The following NDUFS4 variants were observed in gnomAD, a reference collection of about 807,000 sequenced individuals.
NDUFS4 encodes the protein NADH dehydrogenase [ubiquinone] iron-sulfur protein 4, mitochondrial.
A neutral mutation model predicts 24.3 loss-of-function variants in NDUFS4; 28 were observed. The ratio of observed to expected loss-of-function variants is 1.15; its 90% CI spans 0.85 to 1.58. The LOEUF is 1.58. Ranked by LOEUF, NDUFS4 falls within the 40% of genes most tolerant of loss-of-function variation. The pLI is 0.00. For synonymous variants in NDUFS4, 93 were observed against 69.7 expected (o/e 1.34, Z -1.67); for missense variants, 223 against 207.9 (o/e 1.07, Z -0.45).
intron 1 of NDUFS4, among the ~76,000 whole-genome samples, chr5:53,572,036 T>C (rs1749225944): frequency 6.6e-6 from 1 of 152,204 alleles, no homozygotes; most frequent in South Asian, 2.1e-4. Context: ...TTAATATAAA[T>C]TTGTGTAACA....
At chr5:53,642,913 C>G (rs1054796215) in intron 2 of NDUFS4, among the ~76,000 whole-genome samples, 3 of 152,004 alleles carry the variant, frequency 2.0e-5, no homozygotes, top group Admixed American at 6.6e-5. Flanking sequence ...GACTTGAATG[C>G]CCTTAATCTG....
chr5:53,593,301 C>A (rs541704314), intron 1 of NDUFS4, among the ~76,000 whole-genome samples: 1 of 151,794 alleles, frequency 6.6e-6, no homozygotes, highest in Non-Finnish European at 1.5e-5. Context: ...TTTAAGTTAT[C>A]AAATTTGTGA....
intron 1 of NDUFS4, among the ~76,000 whole-genome samples, chr5:53,588,648 T>C (rs916479740): frequency 6.6e-6 from 1 of 152,196 alleles, no homozygotes; most frequent in Non-Finnish European, 1.5e-5. Flanking sequence ...TTCTTAATGA[T>C]GTGATCATCA....
chr5:53,572,793 T>C (rs1323862426), intron 1 of NDUFS4, among the ~76,000 whole-genome samples: 3 of 151,640 alleles, frequency 2.0e-5, no homozygotes, highest in Non-Finnish European at 4.4e-5. Flanking sequence ...TACAGGCATG[T>C]GCCACCATGC....
chr5:53,675,379 T>A (rs256100), intron 4 of NDUFS4, among the ~76,000 whole-genome samples: 2 of 151,748 alleles, frequency 1.3e-5, no homozygotes, highest in Admixed American at 6.6e-5. Context: ...AGCCAGGATG[T>A]TCTCGATTTC....
At chr5:53,572,924 G>A (rs1364757534) in intron 1 of NDUFS4, among the ~76,000 whole-genome samples, 2 of 150,114 alleles carry the variant, frequency 1.3e-5, no homozygotes, top group Admixed American at 6.6e-5. Context: ...GATTAGAGGC[G>A]TGAGCTACCG....
chr5:53,569,292 T>G (rs1749138950), intron 1 of NDUFS4, among the ~76,000 whole-genome samples: 1 of 152,186 alleles, frequency 6.6e-6, no homozygotes, highest in African/African-American at 2.4e-5. Context: ...ATTTGGGGAA[T>G]AAAATACATT....
At chr5:53,566,493 T>G (rs1286116868) in intron 1 of NDUFS4, among the ~76,000 whole-genome samples, 1 of 152,186 alleles carries the variant, frequency 6.6e-6, no homozygotes, top group Non-Finnish European at 1.5e-5. Flanking sequence ...AACTCAGGTG[T>G]TGTTATCCTC....
At chr5:53,672,395 C>T (rs917197685) in intron 4 of NDUFS4, among the ~76,000 whole-genome samples, 2 of 152,008 alleles carry the variant, frequency 1.3e-5, no homozygotes, top group Non-Finnish European at 2.9e-5. Flanking sequence ...AATAAAAAAA[C>T]GTAGTGAATT....
intron 4 of NDUFS4, among the ~76,000 whole-genome samples, chr5:53,660,685 C>T (rs952204268): frequency 1.3e-5 from 2 of 152,018 alleles, no homozygotes; most frequent in Non-Finnish European, 2.9e-5. Flanking sequence ...TTTTAATGAT[C>T]GCCGTTCTAA....
At chr5:53,595,878 CCTTA>C (rs1436260990) in intron 1 of NDUFS4, among the ~76,000 whole-genome samples, 4 of 152,098 alleles carry the variant, frequency 2.6e-5, no homozygotes, top group South Asian at 2.1e-4. Context: ...GAAAAATAAT[CCTTA>C]CTTTTTCCTC....
intron 4 of NDUFS4, among the ~76,000 whole-genome samples, chr5:53,682,766 G>A (rs1004742984): frequency 6.6e-6 from 1 of 152,086 alleles, no homozygotes; most frequent in African/African-American, 2.4e-5. Flanking sequence ...AATGTTCATC[G>A]CTCTTCATTG....
At chr5:53,623,334 A>G (rs1751111249) in intron 2 of NDUFS4, among the ~76,000 whole-genome samples, 1 of 152,140 alleles carries the variant, frequency 6.6e-6, no homozygotes, top group African/African-American at 2.4e-5. Flanking sequence ...GTAGTATCTC[A>G]GTGTGGTTTT....
In NDUFS4 at chr5:53,629,095, T is replaced by G. The variant is rs184775332; in HGVS notation, c.178-17138T>G. 2.4e-3 allele frequency among the ~76,000 whole-genome samples: 361 copies of G among 152,302 alleles called. 5 individuals carry two copies. The highest frequency in any genetic ancestry group is 8.1e-3 in the African/African-American group (336 of 41,548). Reference sequence around the variant, plus strand: ...TACGTTGTGTCTTTGTTCTCACTGGTTTCAAAGAACATCCTTATTTCTGCC... The same window carrying G: ...TACGTTGTGTCTTTGTTCTCACTGGGTTCAAAGAACATCCTTATTTCTGCC... On this transcript the variant is annotated intron_variant, in intron 2 of 4. Transcript: ENST00000296684.
chr5:53,595,496 T>A (rs1750108264), intron 1 of NDUFS4, among the ~76,000 whole-genome samples: 2 of 152,244 alleles, frequency 1.3e-5, no homozygotes, highest in East Asian at 3.8e-4. Flanking sequence ...ATGTTCCTTG[T>A]GTTTTGTAAT....
chr5:53,565,495 T>A (rs1748990543), intron 1 of NDUFS4, among the ~76,000 whole-genome samples: 1 of 152,226 alleles, frequency 6.6e-6, no homozygotes, highest in Non-Finnish European at 1.5e-5. Flanking sequence ...AGGTAAATGC[T>A]TATCTTACAG....
chr5:53,669,363 A>G (rs1301040264), intron 4 of NDUFS4, among the ~76,000 whole-genome samples: 1 of 152,152 alleles, frequency 6.6e-6, no homozygotes, highest in Admixed American at 6.5e-5. Context: ...CTGCCCTTAC[A>G]TTCCAAACCT....
At position 53,683,125 on chromosome 5, in the gene NDUFS4, C is replaced by G. The variant is rs370761734; in HGVS notation, c.432C>G (p.Ser144Arg). The G allele has an allele frequency of 8.7e-5, 139 of 1,597,034 alleles. No individual in the cohort carries two copies. Among genetic ancestry groups the G allele is most frequent in the Non-Finnish European group, 1.1e-4 (123 of 1,164,992 alleles). The change falls in exon 5 of 5, where the codon AGC becomes AGG. Residue 144 changes from serine (S) to arginine (R), a missense_variant. Coordinates refer to ENST00000296684, the MANE Select transcript of NDUFS4 (RefSeq NM_002495.4). ...AVSFAEKNGWSYDIEERKVPK... is the reference protein window; with the variant it reads ...AVSFAEKNGWRYDIEERKVPK... ...TTTGTTTTTTCCTCCTAGGATGGAGCTATGACATTGAAGAGAGGAAGGTTC... is the reference window on the plus strand; with the variant it reads ...TTTGTTTTTTCCTCCTAGGATGGAGGTATGACATTGAAGAGAGGAAGGTTC...
At chr5:53,673,854 A>G (rs1579944137) in intron 4 of NDUFS4, among the ~76,000 whole-genome samples, 1 of 152,202 alleles carries the variant, frequency 6.6e-6, no homozygotes, top group South Asian at 2.1e-4. Context: ...ATAACTTTCT[A>G]TAGCTATATG....
Sources: allele counts gnomAD v4.1 joint callset (sites outside exome capture counted in the v4.1 genomes callset), GRCh38; gene constraint gnomAD v4.1.1; transcripts MANE v1.5; gene names NCBI Gene and HGNC (gene_info 2026-07-23, HGNC 2026-07-21).